Variants in CLSTN2 observed in about 807,000 individuals in gnomAD.
CLSTN2 encodes the protein calsyntenin 2, also known as calsyntenin-2.
Under a neutral mutation model 101.2 loss-of-function variants are expected in CLSTN2, and 48 were observed. That is an observed-to-expected ratio of 0.47 (90% CI 0.38 to 0.60). CLSTN2 has a LOEUF of 0.60. CLSTN2 is among the 20% of genes least tolerant of loss of function. The pLI, the probability that CLSTN2 is intolerant of heterozygous loss-of-function variation, is 0.00. For missense variants in CLSTN2, 1,160 were observed against 1,238.2 expected, an observed-to-expected ratio of 0.94 and a Z score of 0.95; for synonymous variants, 481 against 463.6, an observed-to-expected ratio of 1.04 and a Z score of -0.48.
intron 4 of CLSTN2, among the ~76,000 whole-genome samples, chr3:140,416,868 CTCTT>C (rs1256314139): frequency 6.6e-6 from 1 of 152,246 alleles, no homozygotes; most frequent in Admixed American, 6.5e-5. Flanking sequence ...GCTGGGCTCT[CTCTT>C]TGACAGAAGG....
At chr3:140,492,753 T>G (rs1479360013) in intron 8 of CLSTN2, among the ~76,000 whole-genome samples, 1 of 152,162 alleles carries the variant, frequency 6.6e-6, no homozygotes, top group Non-Finnish European at 1.5e-5. Context: ...TCCTACTATA[T>G]CCCCCAGAAC....
chr3:139,986,918 G>T (rs1013647161), intron 1 of CLSTN2, among the ~76,000 whole-genome samples: 1 of 152,112 alleles, frequency 6.6e-6, no homozygotes, highest in Non-Finnish European at 1.5e-5. Context: ...TTGGTATGAA[G>T]GCTGGGTATC....
rs535802873 is a variant in CLSTN2 at position 140,028,559 on chromosome 3, G to A, written c.109+93076G>A. Among the ~76,000 whole-genome samples the A allele has an allele frequency of 3.3e-5, 5 of 152,224 alleles. No homozygotes were observed. In the South Asian group the frequency reaches 8.3e-4, roughly 25 times the overall value. ...ATCTTACATTTCAAATACAACGATC[G>A]GAAAAGGAATTTGGGGCAGAGAATG... On this transcript the variant is annotated intron_variant, in intron 1 of 16. Coordinates refer to ENST00000458420, the MANE Select transcript of CLSTN2 (RefSeq NM_022131.3).
intron 1 of CLSTN2, among the ~76,000 whole-genome samples, chr3:140,148,351 T>C (rs1001207474): frequency 6.6e-6 from 1 of 152,188 alleles, no homozygotes; most frequent in African/African-American, 2.4e-5. Flanking sequence ...CTAATGACAT[T>C]GAGTGGGATT....
chr3:140,208,143 A>G (rs1490129422), intron 2 of CLSTN2, among the ~76,000 whole-genome samples: 4 of 152,160 alleles, frequency 2.6e-5, no homozygotes, highest in Non-Finnish European at 4.4e-5. Context: ...CATTTTTTTC[A>G]TTACTTTTTC....
intron 2 of CLSTN2, among the ~76,000 whole-genome samples, chr3:140,310,913 A>G (rs894370169): frequency 6.6e-6 from 1 of 152,222 alleles, no homozygotes; most frequent in Non-Finnish European, 1.5e-5. Context: ...CCTCTGTGTT[A>G]GGTGCTGCAG....
At chr3:140,154,195 A>G (rs986555341) in intron 1 of CLSTN2, among the ~76,000 whole-genome samples, 2 of 152,178 alleles carry the variant, frequency 1.3e-5, no homozygotes, top group Non-Finnish European at 2.9e-5. Flanking sequence ...GTCTTCAAGA[A>G]GGGGTTATCA....
At chr3:140,441,613 C>T (rs1455607739) in intron 5 of CLSTN2, among the ~76,000 whole-genome samples, 1 of 152,212 alleles carries the variant, frequency 6.6e-6, no homozygotes, top group African/African-American at 2.4e-5. Context: ...CATCTGACCC[C>T]TCACTTTCAG....
At chr3:140,456,688 G>A (rs939013972) in intron 6 of CLSTN2, among the ~76,000 whole-genome samples, 6 of 152,148 alleles carry the variant, frequency 3.9e-5, no homozygotes, top group Non-Finnish European at 7.3e-5. Flanking sequence ...TCAGGAGGCT[G>A]AGGCAGGAGA....
At chr3:139,951,013 T>G (rs1234436861) in intron 1 of CLSTN2, among the ~76,000 whole-genome samples, 1 of 152,218 alleles carries the variant, frequency 6.6e-6, no homozygotes, top group Non-Finnish European at 1.5e-5. Flanking sequence ...GACAAAGCAT[T>G]CTTTGGCCTC....
intron 1 of CLSTN2, among the ~76,000 whole-genome samples, chr3:140,116,610 T>C (rs1159071017): frequency 9.9e-5 from 15 of 152,136 alleles, no homozygotes; most frequent in Admixed American, 9.2e-4. Flanking sequence ...ATTCTGAGAG[T>C]GAGAGCCTCC....
intron 1 of CLSTN2, among the ~76,000 whole-genome samples, chr3:139,972,062 A>G (rs1160492784): frequency 6.6e-6 from 1 of 152,128 alleles, no homozygotes; most frequent in Non-Finnish European, 1.5e-5. Flanking sequence ...TCAGGAGTTC[A>G]AGACCAGCAT....
chr3:140,200,398 G>A (rs1436603294), intron 2 of CLSTN2, among the ~76,000 whole-genome samples: 1 of 152,052 alleles, frequency 6.6e-6, no homozygotes, highest in East Asian at 1.9e-4. Flanking sequence ...CGTAATGACC[G>A]CCAAAAAGAG....
intron 1 of CLSTN2, among the ~76,000 whole-genome samples, chr3:139,979,857 G>A (rs1006033748): frequency 1.3e-4 from 19 of 151,760 alleles, no homozygotes; most frequent in Non-Finnish European, 1.9e-4. Context: ...TCAAACCCAC[G>A]ACCCTTCTTC....
At chr3:140,300,354 C>A (rs916069979) in intron 2 of CLSTN2, among the ~76,000 whole-genome samples, 1 of 152,202 alleles carries the variant, frequency 6.6e-6, no homozygotes, top group African/African-American at 2.4e-5. Flanking sequence ...TGTTCTCCTA[C>A]CTGTCTTGCT....
intron 4 of CLSTN2, among the ~76,000 whole-genome samples, chr3:140,412,616 A>G (rs2088377086): frequency 6.6e-6 from 1 of 152,254 alleles, no homozygotes; most frequent in African/African-American, 2.4e-5. Context: ...TTCAAAATGA[A>G]TGCCAAGGTA....
rs1339091281 is a variant in CLSTN2, at chr3:140,205,623, C to CCCCT, written c.232+29551_232+29552insCCTC. On this transcript the variant is annotated intron_variant, in intron 2 of 16. Transcript: ENST00000458420. ...TTGTTGTTTGGACCTGACCCGCCCCCCACCCACACACACACACAGCCACCT... is the reference window on the plus strand; with the variant it reads ...TTGTTGTTTGGACCTGACCCGCCCCCCCCTCACCCACACACACACACAGCCACCT... Among the ~76,000 whole-genome samples, 3 of 95,856 alleles carry CCCCT rather than the reference C, an allele frequency of 3.1e-5. 1 individual carries two copies. Among genetic ancestry groups the CCCCT allele is most frequent in the South Asian group, 8.7e-4 (2 of 2,302 alleles). The allele number at this position is 95,856 out of a possible 152,430, so 62.9% of individuals were successfully genotyped here. A position where few individuals can be genotyped will look rare whatever the true frequency, so the allele number is the denominator to read the frequency against.
intron 8 of CLSTN2, among the ~76,000 whole-genome samples, chr3:140,516,504 T>C (rs1934919100): frequency 1.3e-5 from 2 of 152,168 alleles, no homozygotes; most frequent in Non-Finnish European, 2.9e-5. Flanking sequence ...GAGGTGCTTT[T>C]AGCAGTTCAT....
At chr3:140,443,634 C>T (rs1933008157) in intron 5 of CLSTN2, among the ~76,000 whole-genome samples, 1 of 152,196 alleles carries the variant, frequency 6.6e-6, no homozygotes, top group Non-Finnish European at 1.5e-5. Flanking sequence ...AATTGAACCA[C>T]AATTCATAAA....
Sources: allele counts gnomAD v4.1 joint callset (sites outside exome capture counted in the v4.1 genomes callset), GRCh38; gene constraint gnomAD v4.1.1; transcripts MANE v1.5; gene names NCBI Gene and HGNC (gene_info 2026-07-23, HGNC 2026-07-21).